The following CAMSAP1 variants were observed in gnomAD, a reference collection of about 807,000 sequenced individuals.
CAMSAP1 encodes the protein calmodulin-regulated spectrin-associated protein 1.
In CAMSAP1, 58 loss-of-function variants were observed where a neutral mutation model predicts 143.5. The ratio of observed to expected loss-of-function variants is 0.40; its 90% confidence interval spans 0.33 to 0.50. The LOEUF is 0.50. Among genes scored for constraint, CAMSAP1 ranks in the 20% least tolerant of loss-of-function variants. CAMSAP1 has a pLI of 0.45. For missense variants in CAMSAP1, 1,969 were observed against 2,115.7 expected (o/e 0.93, Z 1.36); for synonymous variants, 945 against 859.3 (o/e 1.10, Z -1.74).
At chr9:135,903,576 A>C (rs956856258) in intron 1 of CAMSAP1, among the ~76,000 whole-genome samples, 4 of 152,226 alleles carry the variant, frequency 2.6e-5, no homozygotes, top group African/African-American at 9.6e-5. Flanking sequence ...AAAATCTCAA[A>C]AGGCTAATGC....
Position 135,886,361 on chromosome 9 carries a change from G to A in CAMSAP1, c.161-3283C>T, listed in dbSNP as rs141368625. Reference sequence around the variant, plus strand: ...CTGGGGTGCAGGAGACACCAGTCCCGCACTGAGGAGTGGGGCAGTGGGGCA... The same window carrying A: ...CTGGGGTGCAGGAGACACCAGTCCCACACTGAGGAGTGGGGCAGTGGGGCA... On this transcript the variant is annotated intron_variant, in intron 1 of 16. Coordinates refer to ENST00000389532, the MANE Select transcript of CAMSAP1 (RefSeq NM_015447.4). 3.4e-3 allele frequency among the ~76,000 whole-genome samples: 525 copies of A among 152,266 alleles called. 2 individuals are homozygous for A. Among genetic ancestry groups the A allele is most frequent in the African/African-American group, 0.011 (476 of 41,556 alleles).
chr9:135,875,502 C>T (rs992394291), intron 3 of CAMSAP1, among the ~76,000 whole-genome samples: 3 of 152,136 alleles, frequency 2.0e-5, no homozygotes, highest in Non-Finnish European at 4.4e-5. Flanking sequence ...TGAGCCACCA[C>T]GCCCAGCCAA....
Position 135,811,805 on chromosome 9 carries a change from TAAG to T in CAMSAP1, c.4507-197_4507-195del, listed in dbSNP as rs1186869221. On this transcript the variant is annotated intron_variant, in intron 16 of 16. Transcript: ENST00000389532. This position sits in a 1 kb window ranked among gnomAD's most constrained non-coding sequence, Gnocchi z 4.9. ...CATTATATGCCATTGAGACTTTACT[TAAG>T]AAGTCTAAGCAAGCAAGGGGGAAAA... Among the ~76,000 whole-genome samples, 1 of 152,172 alleles carries T rather than the reference TAAG, an allele frequency of 6.6e-6. No homozygotes were observed. Among genetic ancestry groups the T allele is most frequent in the East Asian group, 1.9e-4 (1 of 5,196 alleles).
chr9:135,855,145 C>T (rs1836910008), intron 5 of CAMSAP1, among the ~76,000 whole-genome samples: 1 of 152,092 alleles, frequency 6.6e-6, no homozygotes, highest in Non-Finnish European at 1.5e-5. Context: ...GTGTGCACCA[C>T]CACCCCCGGC....
rs553840726 is a variant in CAMSAP1 at position 135,836,554 on chromosome 9, G to A, written c.1046-8970C>T. The A allele has an allele frequency of 6.2e-6, 6 of 970,360 alleles. No homozygotes were observed. In the East Asian group the frequency reaches 3.7e-4, roughly 59 times the overall value. 60.1% of individuals were successfully genotyped at this position (970,360 alleles called of 1,614,324 possible). The stretch of plus-strand genomic sequence containing the variant: ...CACACAGTCATGTACCTTCTACCCC[G>A]TTCTACAGACACACATCACCACACA... On this transcript the variant is annotated intron_variant, in intron 7 of 16. Transcript: ENST00000389532.
Position 135,825,566 on chromosome 9 carries a change from C to T in CAMSAP1, c.1224-686G>A, listed in dbSNP as rs145583933. ...GGAAGAACGGCACATGCAGGAAAGGCGGAAGTCACACGTGTGCGGATCGCA... is the reference window on the plus strand; with the variant it reads ...GGAAGAACGGCACATGCAGGAAAGGTGGAAGTCACACGTGTGCGGATCGCA... On this transcript the variant is annotated intron_variant, in intron 8 of 16. Coordinates refer to ENST00000389532, the MANE Select transcript of CAMSAP1 (RefSeq NM_015447.4). Among the ~76,000 whole-genome samples, 907 of 152,290 alleles carry T rather than the reference C, an allele frequency of 6.0e-3. 6 individuals are homozygous for T. The highest frequency in any genetic ancestry group is 0.014 in the African/African-American group (567 of 41,568).
chr9:135,817,490 C>A (rs530087711), intron 14 of CAMSAP1, among the ~76,000 whole-genome samples: 2 of 152,144 alleles, frequency 1.3e-5, no homozygotes, highest in East Asian at 3.9e-4. Context: ...TTCCTGGGCT[C>A]AAGCGATACT....
At position 135,906,911 on chromosome 9, in the gene CAMSAP1, GCGGACCCCGACCCGGC is replaced by G. The variant is rs562659405; in HGVS notation, c.160+73_160+88del. The G allele has an allele frequency of 8.3e-3, 6,481 of 778,248 alleles. 29 individuals carry two copies. Among genetic ancestry groups the G allele is most frequent in the Non-Finnish European group, 8.8e-3 (5,668 of 641,170 alleles). The allele number at this position is 778,248 out of a possible 1,614,324, so 48.2% of individuals were successfully genotyped here. A position where few individuals can be genotyped will look rare whatever the true frequency, so the allele number is the denominator to read the frequency against. ...CGGACGCGGCACAAAGGCGCGGCGC[GCGGACCCCGACCCGGC>G]CGGACCCCGGCCGCGTCCCCCGGCC... On this transcript the variant is annotated intron_variant, in intron 1 of 16. Transcript: ENST00000389532.
At chr9:135,829,896 AGTTAT>A (rs1175772077) in intron 7 of CAMSAP1, among the ~76,000 whole-genome samples, 2 of 146,960 alleles carry the variant, frequency 1.4e-5, no homozygotes, top group South Asian at 2.1e-4. Flanking sequence ...AATAACAATA[AGTTAT>A]GTTAACAATT....
chr9:135,904,246 C>G (rs941898412), intron 1 of CAMSAP1, among the ~76,000 whole-genome samples: 2 of 151,796 alleles, frequency 1.3e-5, no homozygotes, highest in Admixed American at 1.3e-4. Context: ...ACAAAAAATA[C>G]AAAAGTTAGC....
intron 1 of CAMSAP1, among the ~76,000 whole-genome samples, chr9:135,888,465 G>A (rs945673652): frequency 1.3e-5 from 2 of 152,132 alleles, no homozygotes; most frequent in African/African-American, 2.4e-5. Context: ...AGCTACTCCC[G>A]TAGCCTCCAA....
At chr9:135,859,868 A>C (rs1837114969) in intron 5 of CAMSAP1, among the ~76,000 whole-genome samples, 1 of 151,884 alleles carries the variant, frequency 6.6e-6, no homozygotes, top group South Asian at 2.1e-4. Flanking sequence ...GGCTGCACAC[A>C]ATGAAGGAAA....
Position 135,822,622 on chromosome 9 carries a change from C to A in CAMSAP1, c.2039G>T (p.Gly680Val). The change falls in exon 11 of 17, where the codon GGT becomes GTT. Residue 680 changes from glycine (G) to valine (V), a missense_variant. Gly to Val is a moderately radical substitution (Grantham distance 109). Coordinates refer to ENST00000389532, the MANE Select transcript of CAMSAP1 (RefSeq NM_015447.4). This position sits in a 1 kb window ranked among gnomAD's most constrained non-coding sequence, Gnocchi z 6.1. ...LSVETAGEVCGGPLALGGFDP... is the reference protein window; with the variant it reads ...LSVETAGEVCVGPLALGGFDP... ...GAATCCGCCAAGGGCCAGAGGCCCACCACAGACCTCTCCTGCGGTTTCCAC... is the reference window on the plus strand; with the variant it reads ...GAATCCGCCAAGGGCCAGAGGCCCAACACAGACCTCTCCTGCGGTTTCCAC... 6.2e-7 allele frequency: 1 copy of A among 1,612,532 alleles called. No homozygotes were observed. Among genetic ancestry groups the A allele is most frequent in the Non-Finnish European group, 8.5e-7 (1 of 1,179,192 alleles).
chr9:135,825,589 G>A (rs545007518), intron 8 of CAMSAP1, among the ~76,000 whole-genome samples: 13 of 152,332 alleles, frequency 8.5e-5, no homozygotes, highest in South Asian at 2.1e-4. Context: ...TGTGCGGATC[G>A]CACAGTTCTG....
chr9:135,884,556 C>T (rs1467839138), intron 1 of CAMSAP1, among the ~76,000 whole-genome samples: 1 of 152,202 alleles, frequency 6.6e-6, no homozygotes, highest in Non-Finnish European at 1.5e-5. Context: ...TAGGTCATCA[C>T]GGCAACCCAA....
At chr9:135,883,125 A>C (rs1226920421) in intron 1 of CAMSAP1, 47 bp from the exon 2 acceptor site, 4 of 1,543,038 alleles carry the variant, frequency 2.6e-6, no homozygotes, top group East Asian at 4.9e-5. Context: ...CACAAGACCC[A>C]AAGGAAGGAG....
intron 7 of CAMSAP1, among the ~76,000 whole-genome samples, chr9:135,833,474 C>CT (rs1835920109): frequency 2.0e-5 from 3 of 152,230 alleles, no homozygotes; most frequent in Admixed American, 2.0e-4. Flanking sequence ...ATCATACTGG[C>CT]ATAAAAACAG....
chr9:135,863,418 C>T (rs549675186), intron 4 of CAMSAP1, among the ~76,000 whole-genome samples: 4 of 152,300 alleles, frequency 2.6e-5, no homozygotes, highest in Admixed American at 1.3e-4. Context: ...TTAACAGCCA[C>T]GATACAGCTT....
In CAMSAP1 at chr9:135,883,062, G is replaced by A; in HGVS notation, c.177C>T (p.Asp59=). The A allele has an allele frequency of 6.4e-7, 1 of 1,551,708 alleles. No homozygotes were observed. Among genetic ancestry groups the A allele is most frequent in the Non-Finnish European group, 8.7e-7 (1 of 1,146,992 alleles). Residue 59 remains aspartate, a synonymous_variant, in exon 2 of 17, where the codon GAC becomes GAT. Transcript: ENST00000389532. ...KAYGRDNIPE[D]LRDPFYVDQY... ...GGTCAACGTAGAAAGGGTCTCTGAG[G>A]TCCTCAGGGATGTTATCTAAGACAG...
Sources: allele counts gnomAD v4.1 joint callset (sites outside exome capture counted in the v4.1 genomes callset), GRCh38; gene constraint gnomAD v4.1.1; non-coding constraint Gnocchi (gnomAD v3.1); transcripts MANE v1.5; gene names NCBI Gene and HGNC (gene_info 2026-07-23, HGNC 2026-07-21).